The following SAMD4A variants were observed in gnomAD, a reference collection of about 807,000 sequenced individuals.
SAMD4A encodes protein Smaug homolog 1.
Under a neutral mutation model 81.3 loss-of-function variants are expected in SAMD4A, and 33 were observed. The ratio of observed to expected loss-of-function variants is 0.41; its 90% CI spans 0.31 to 0.54. SAMD4A has a LOEUF of 0.54. SAMD4A is among the 20% of genes least tolerant of loss of function. The pLI, the probability that SAMD4A is intolerant of heterozygous loss-of-function variation, is 0.37. For missense variants in SAMD4A, 854 were observed against 951.1 expected, an observed-to-expected ratio of 0.90 and a Z score of 1.34; for synonymous variants, 389 against 382.1, an observed-to-expected ratio of 1.02 and a Z score of -0.21.
At chr14:54,749,027 T>G in intron 5 of SAMD4A, 103 bp downstream of exon 5, 1 of 745,756 alleles carries the variant, frequency 1.3e-6, no homozygotes, top group Non-Finnish European at 2.3e-6. Flanking sequence ...GCCCACACAG[T>G]AGCTTGCCCT....
At chr14:54,736,046 G>C (rs993308050) in intron 3 of SAMD4A, among the ~76,000 whole-genome samples, 1 of 152,202 alleles carries the variant, frequency 6.6e-6, no homozygotes, top group East Asian at 1.9e-4. Flanking sequence ...AGAATGTTAT[G>C]AATAGACTTA....
chr14:54,786,253 C>T (rs76383762), intron 12 of SAMD4A, among the ~76,000 whole-genome samples: 2,633 of 152,212 alleles, frequency 0.017, 40 homozygotes, highest in South Asian at 0.05. Flanking sequence ...GACCACAGAG[C>T]GTATGATTCC....
intron 11 of SAMD4A, among the ~76,000 whole-genome samples, chr14:54,779,563 T>A (rs1039274351): frequency 6.6e-6 from 1 of 152,182 alleles, no homozygotes; most frequent in Non-Finnish European, 1.5e-5. Context: ...GATCAATTCA[T>A]CAGTCACCTT....
chr14:54,567,623 A>G lies in SAMD4A; in HGVS notation c.-294A>G, dbSNP rs2032978181. 4.9e-6 allele frequency: 2 copies of G among 410,966 alleles called. No individual in the cohort carries two copies. Among genetic ancestry groups the G allele is most frequent in the Non-Finnish European group, 8.6e-6 (2 of 231,624 alleles). 25.5% of individuals were successfully genotyped at this position (410,966 alleles called of 1,614,324 possible). On this transcript the variant is annotated 5_prime_UTR_variant, in exon 2 of 13. Coordinates refer to ENST00000554335, the MANE Select transcript of SAMD4A (RefSeq NM_015589.6). ...AGGGGGGAGAAAGCATTCTTCATTCAGTTGTGTGCCTTGTGGGGGATTTTT... is the reference window on the plus strand; with the variant it reads ...AGGGGGGAGAAAGCATTCTTCATTCGGTTGTGTGCCTTGTGGGGGATTTTT...
intron 3 of SAMD4A, among the ~76,000 whole-genome samples, chr14:54,731,703 G>T (rs574479935): frequency 2.0e-5 from 3 of 152,196 alleles, no homozygotes; most frequent in Non-Finnish European, 4.4e-5. Flanking sequence ...AATGAAGAGA[G>T]ACTAGCTTAG....
At chr14:54,786,849 G>A (rs2039153798) in intron 12 of SAMD4A, among the ~76,000 whole-genome samples, 1 of 152,126 alleles carries the variant, frequency 6.6e-6, no homozygotes. Flanking sequence ...TGAACCGATG[G>A]GTTTTTTGCT....
At chr14:54,760,587 TC>T (rs1421858985) in intron 7 of SAMD4A, 93 bp downstream of exon 7, 1 of 1,351,462 alleles carries the variant, frequency 7.4e-7, no homozygotes, top group African/African-American at 1.5e-5. Flanking sequence ...CTGGATAAAT[TC>T]CCTGTCCAAG....
chr14:54,770,599 G>C (rs2038677309), intron 9 of SAMD4A, among the ~76,000 whole-genome samples: 10 of 151,300 alleles, frequency 6.6e-5, no homozygotes, highest in Admixed American at 6.6e-4. Flanking sequence ...AGCACCTTAA[G>C]TGGTAGTGTG....
At chr14:54,640,771 G>C (rs2140380193) in intron 2 of SAMD4A, among the ~76,000 whole-genome samples, 1 of 152,232 alleles carries the variant, frequency 6.6e-6, no homozygotes, top group Middle Eastern at 3.4e-3. Flanking sequence ...GCTGATTAGT[G>C]TGCCTGGTGC....
At chr14:54,582,475 G>A (rs1211242931) in intron 2 of SAMD4A, among the ~76,000 whole-genome samples, 5 of 152,124 alleles carry the variant, frequency 3.3e-5, no homozygotes, top group South Asian at 2.1e-4. Flanking sequence ...ATGCCTCGTC[G>A]TCCCCTGAGC....
chr14:54,775,563 T>G (rs2038821262), intron 10 of SAMD4A, among the ~76,000 whole-genome samples: 1 of 152,016 alleles, frequency 6.6e-6, no homozygotes, highest in Non-Finnish European at 1.5e-5. Flanking sequence ...TCTGAGAGAG[T>G]GTGCCAGGGG....
At chr14:54,670,465 G>A (rs2035856095) in intron 2 of SAMD4A, among the ~76,000 whole-genome samples, 1 of 151,894 alleles carries the variant, frequency 6.6e-6, no homozygotes, top group African/African-American at 2.4e-5. Context: ...CTGTGTAGAG[G>A]ACGGAGCCAG....
At chr14:54,580,589 G>A (rs1438496285) in intron 2 of SAMD4A, among the ~76,000 whole-genome samples, 3 of 152,154 alleles carry the variant, frequency 2.0e-5, no homozygotes, top group African/African-American at 2.4e-5. Context: ...TTCATTCGTT[G>A]GTTAAACAGT....
At chr14:54,639,827 C>CAT (rs1555338908) in intron 2 of SAMD4A, among the ~76,000 whole-genome samples, 2 of 150,886 alleles carry the variant, frequency 1.3e-5, no homozygotes, top group African/African-American at 2.4e-5. Context: ...CACACACACA[C>CAT]GTACACACCA....
intron 7 of SAMD4A, among the ~76,000 whole-genome samples, chr14:54,761,106 A>G (rs1276848927): frequency 4.6e-5 from 7 of 152,212 alleles, no homozygotes; most frequent in Admixed American, 1.3e-4. Context: ...TGCCATGTGA[A>G]ATGCTCTAGT....
chr14:54,582,090 A>G (rs2033484803), intron 2 of SAMD4A, among the ~76,000 whole-genome samples: 2 of 152,172 alleles, frequency 1.3e-5, no homozygotes, highest in African/African-American at 2.4e-5. Flanking sequence ...AGCACAGTTA[A>G]AATATTGAAA....
chr14:54,747,385 C>T (rs116644811), intron 4 of SAMD4A, among the ~76,000 whole-genome samples: 183 of 152,334 alleles, frequency 1.2e-3, no homozygotes, highest in African/African-American at 4.3e-3. Flanking sequence ...ATCCCATACC[C>T]GCATTCCCTA....
At position 54,634,715 on chromosome 14, in the gene SAMD4A, ATCTATCTGTCTG is replaced by A. The variant is rs748986153; in HGVS notation, c.196+66607_196+66618del. Among the ~76,000 whole-genome samples, 1,229 of 123,536 alleles carry A rather than the reference ATCTATCTGTCTG, an allele frequency of 9.9e-3. 14 individuals carry two copies. Among genetic ancestry groups the A allele is most frequent in the African/African-American group, 0.035 (1,125 of 32,124 alleles). The allele number at this position is 123,536 out of a possible 152,430, so 81.0% of individuals were successfully genotyped here. A position where few individuals can be genotyped will look rare whatever the true frequency, so the allele number is the denominator to read the frequency against. ...GGGGTTGGGGACCCTCTATCTATCTATCTATCTGTCTGTCTGTCTGTCTGTCTGTCTGTCTGT... is the reference window on the plus strand; with the variant it reads ...GGGGTTGGGGACCCTCTATCTATCTATCTGTCTGTCTGTCTGTCTGTCTGT... On this transcript the variant is annotated intron_variant, in intron 2 of 12. Transcript: ENST00000554335.
intron 2 of SAMD4A, among the ~76,000 whole-genome samples, chr14:54,672,178 G>A (rs151329048): frequency 3.3e-5 from 5 of 152,056 alleles, no homozygotes; most frequent in African/African-American, 9.6e-5. Context: ...TCCCACTTCA[G>A]CTTTTGGAGT....
Sources: gnomAD v4.1 joint callset for allele counts (sites outside exome capture counted in the v4.1 genomes callset) on GRCh38, gnomAD v4.1.1 for gene constraint, MANE v1.5 for transcripts, NCBI Gene and HGNC (gene_info 2026-07-23, HGNC 2026-07-21) for gene names.